The following APBA1 variants were observed in gnomAD, a reference collection of about 807,000 sequenced individuals.
APBA1 encodes the protein amyloid beta precursor protein binding family A member 1.
A neutral mutation model predicts 86.6 loss-of-function variants in APBA1; 55 were observed. The observed-to-expected ratio is 0.64, with a 90% confidence interval of 0.51 to 0.80. APBA1 has a LOEUF of 0.80. Among genes scored for constraint, APBA1 ranks in the 30% least tolerant of loss-of-function variants. The pLI is 0.00. For synonymous variants in APBA1, 511 were observed against 493.9 expected (o/e 1.03, Z -0.46); for missense variants, 1,090 against 1,183.0 (o/e 0.92, Z 1.15).
chr9:69,633,131 TTTA>T (rs1823083238), intron 1 of APBA1, among the ~76,000 whole-genome samples: 1 of 151,476 alleles, frequency 6.6e-6, no homozygotes, highest in Non-Finnish European at 1.5e-5. Context: ...TTTATTTTAT[TTTA>T]TTTTTATTTT....
At chr9:69,527,283 T>C (rs1175768185) in intron 1 of APBA1, among the ~76,000 whole-genome samples, 1 of 152,080 alleles carries the variant, frequency 6.6e-6, no homozygotes, top group Non-Finnish European at 1.5e-5. Flanking sequence ...GAACACATGG[T>C]ACATTTATTA....
intron 1 of APBA1, among the ~76,000 whole-genome samples, chr9:69,645,118 A>G (rs913021939): frequency 2.6e-5 from 4 of 152,172 alleles, no homozygotes; most frequent in African/African-American, 9.7e-5. Flanking sequence ...AATCCTCAAG[A>G]TGACAGTTTA....
At chr9:69,527,454 C>A (rs765853044) in intron 1 of APBA1, among the ~76,000 whole-genome samples, 25 of 152,002 alleles carry the variant, frequency 1.6e-4, no homozygotes, top group Non-Finnish European at 3.4e-4. Flanking sequence ...ATTTTACTTA[C>A]TATATTTCTA....
chr9:69,451,400 C>A (rs1038434394), intron 9 of APBA1, among the ~76,000 whole-genome samples: 1 of 152,188 alleles, frequency 6.6e-6, no homozygotes, highest in Non-Finnish European at 1.5e-5. Context: ...ATTAAAAGTT[C>A]TTTTTACCTA....
chr9:69,471,649 C>T lies in APBA1; in HGVS notation c.1336+7G>A, dbSNP rs1564045020. On this transcript the variant is annotated splice_region_variant and intron_variant, in intron 4 of 12. Transcript: ENST00000265381. ...TCAGTGCTCAGTATTTTCTTTTCAG[C>T]TCTTACCTTCAACGTAGGTTGGGAA... 1 of 1,612,628 alleles carries T rather than the reference C, an allele frequency of 6.2e-7. No individual in the cohort carries two copies. Among genetic ancestry groups the T allele is most frequent in the South Asian group, 1.1e-5 (1 of 91,050 alleles).
intron 1 of APBA1, among the ~76,000 whole-genome samples, chr9:69,608,622 C>G (rs774468185): frequency 6.6e-6 from 1 of 152,210 alleles, no homozygotes; most frequent in Non-Finnish European, 1.5e-5. Flanking sequence ...CACAAAGGAA[C>G]ATCTGTAAAT....
chr9:69,563,277 TG>T (rs1836975230), intron 1 of APBA1, among the ~76,000 whole-genome samples: 1 of 152,234 alleles, frequency 6.6e-6, no homozygotes, highest in African/African-American at 2.4e-5. Context: ...AAAAATAACT[TG>T]CTTTCCCCAT....
chr9:69,534,793 A>C (rs1290375751), intron 1 of APBA1, among the ~76,000 whole-genome samples: 2 of 152,168 alleles, frequency 1.3e-5, no homozygotes, highest in African/African-American at 4.8e-5. Flanking sequence ...CCATAACTCT[A>C]TACGATATAT....
chr9:69,501,651 C>G (rs1835881716), intron 2 of APBA1, among the ~76,000 whole-genome samples: 1 of 150,730 alleles, frequency 6.6e-6, no homozygotes, highest in African/African-American at 2.4e-5. Flanking sequence ...CACACACACA[C>G]ACACACACAC....
intron 1 of APBA1, among the ~76,000 whole-genome samples, chr9:69,575,715 A>G (rs1344694739): frequency 1.3e-5 from 2 of 152,234 alleles, no homozygotes; most frequent in Non-Finnish European, 2.9e-5. Context: ...TTCAAGATGA[A>G]TTAAAGACTT....
intron 2 of APBA1, among the ~76,000 whole-genome samples, chr9:69,515,690 TGGGGGGGG>T (rs60382603): frequency 9.0e-6 from 1 of 110,756 alleles, no homozygotes; most frequent in African/African-American, 4.0e-5. Flanking sequence ...AATCAGAAAC[TGGGGGGGG>T]GGGGGGCGGG....
intron 1 of APBA1, among the ~76,000 whole-genome samples, chr9:69,611,140 TTTTGGAAGTGTAAATTCAGG>T: frequency 6.6e-6 from 1 of 151,958 alleles, no homozygotes; most frequent in South Asian, 2.1e-4. Context: ...TGTAGACACC[TTTTGGAAGTGTAAATTCAGG>T]TTTGTCTAAC....
intron 2 of APBA1, among the ~76,000 whole-genome samples, chr9:69,480,914 A>C (rs1371856578): frequency 4.6e-5 from 6 of 131,330 alleles, no homozygotes; most frequent in African/African-American, 1.7e-4. Context: ...CCTTTGACAA[A>C]ATTCAACAAC....
chr9:69,599,372 T>C (rs1044943599), intron 1 of APBA1, among the ~76,000 whole-genome samples: 1 of 152,218 alleles, frequency 6.6e-6, no homozygotes, highest in Non-Finnish European at 1.5e-5. Context: ...TTATTACTCA[T>C]TCACAATAGT....
At chr9:69,621,702 T>TAGA (rs10654903) in intron 1 of APBA1, among the ~76,000 whole-genome samples, 148,412 of 152,212 alleles carry the variant, frequency 0.98, 72,460 homozygotes, top group East Asian at 1. Flanking sequence ...TACTTATTAA[T>TAGA]AGAACAGTTC....
At chr9:69,636,203 C>G (rs187957236) in intron 1 of APBA1, among the ~76,000 whole-genome samples, 1 of 152,300 alleles carries the variant, frequency 6.6e-6, no homozygotes, top group African/African-American at 2.4e-5. Context: ...GAGGTAGCAT[C>G]CCACCCCAGT....
intron 1 of APBA1, among the ~76,000 whole-genome samples, chr9:69,628,070 G>A (rs1355232658): frequency 6.6e-6 from 1 of 152,128 alleles, no homozygotes; most frequent in East Asian, 1.9e-4. Context: ...TATAAGACAT[G>A]GTTTGGTGGG....
chr9:69,529,652 G>T (rs1836393660), intron 1 of APBA1, among the ~76,000 whole-genome samples: 1 of 152,106 alleles, frequency 6.6e-6, no homozygotes, highest in Non-Finnish European at 1.5e-5. Flanking sequence ...TGGTTTTGAA[G>T]ATCCACAACC....
At chr9:69,449,097 G>A (rs542244068) in intron 10 of APBA1, among the ~76,000 whole-genome samples, 13 of 152,218 alleles carry the variant, frequency 8.5e-5, no homozygotes, top group Admixed American at 5.2e-4. Context: ...TGCTTTACCC[G>A]GGGTCTGAGG....
Sources: allele counts gnomAD v4.1 joint callset (sites outside exome capture counted in the v4.1 genomes callset), GRCh38; gene constraint gnomAD v4.1.1; transcripts MANE v1.5; gene names NCBI Gene and HGNC (gene_info 2026-07-23, HGNC 2026-07-21).